The following AKAP13 variants were observed in gnomAD, a reference collection of about 807,000 sequenced individuals.
The protein encoded by AKAP13 is A-kinase anchoring protein 13.
A neutral mutation model predicts 264.5 loss-of-function variants in AKAP13; 80 were observed. That is an observed-to-expected ratio of 0.30 (90% confidence interval 0.25 to 0.36). The LOEUF (loss-of-function observed/expected upper bound fraction) is 0.36, where lower values mean the gene tolerates loss of function less well. Ranked by LOEUF, AKAP13 falls within the 10% of genes least tolerant of loss-of-function variation. The pLI, the probability that AKAP13 is intolerant of heterozygous loss-of-function variation, is 1.00. For missense variants in AKAP13, 3,712 were observed against 3,435.2 expected (o/e 1.08, Z -2.01); for synonymous variants, 1,380 against 1,250.2 (o/e 1.10, Z -2.19).
intron 2 of AKAP13, chr15:85,520,778 G>A (rs1366232135): frequency 5.9e-6 from 3 of 507,680 alleles, no homozygotes; most frequent in African/African-American, 2.0e-5. Flanking sequence ...TAAACTATGG[G>A]GATACGTTCT....
chr15:85,428,558 G>C (rs2072896796), intron 1 of AKAP13, among the ~76,000 whole-genome samples: 1 of 152,240 alleles, frequency 6.6e-6, no homozygotes, highest in Non-Finnish European at 1.5e-5. Context: ...TGCCAAGTTT[G>C]GCCTGAAGCC....
Position 85,580,959 on chromosome 15 carries a change from A to T in AKAP13, c.2891A>T (p.His964Leu), listed in dbSNP as rs1881608993. The stretch of plus-strand genomic sequence containing the variant: ...CCTGGACAAGATACTCAACAATTTC[A>T]TGAAAAATCAATCTCAGCTGACTGT... Reference protein sequence around the residue: ...PPPGQDTQQFHEKSISADCAK... With the variant: ...PPPGQDTQQFLEKSISADCAK... The change falls in exon 7 of 37, where the codon CAT becomes CTT. Residue 964 changes from histidine to leucine, a missense_variant. This residue lies in a region of AKAP13 where 2,759 missense variants were observed against 2,411.7 expected (regional missense o/e 1.14). Coordinates refer to ENST00000394518, the MANE Select transcript of AKAP13 (RefSeq NM_007200.5). The T allele has an allele frequency of 6.2e-7, 1 of 1,614,004 alleles. No homozygotes were observed. The highest frequency in any genetic ancestry group is 8.5e-7 in the Non-Finnish European group (1 of 1,179,986).
chr15:85,420,043 A>G (rs1248259462), intron 1 of AKAP13, among the ~76,000 whole-genome samples: 8 of 142,992 alleles, frequency 5.6e-5, no homozygotes, highest in Admixed American at 1.5e-4. Flanking sequence ...CCGGGTTCAC[A>G]CCATTCTCCT....
At chr15:85,498,199 G>GAGATATATATATAT (rs2075931586) in intron 2 of AKAP13, among the ~76,000 whole-genome samples, 1 of 133,010 alleles carries the variant, frequency 7.5e-6, no homozygotes, top group African/African-American at 2.9e-5. Context: ...AATGAAGTGA[G>GAGATATATATATAT]ATATATATAT....
intron 12 of AKAP13, among the ~76,000 whole-genome samples, chr15:85,659,722 G>A (rs1382540924): frequency 1.8e-5 from 2 of 112,590 alleles, no homozygotes; most frequent in African/African-American, 5.6e-5. Context: ...GTCTGAGTTA[G>A]TGTATACATG....
intron 8 of AKAP13, among the ~76,000 whole-genome samples, chr15:85,638,376 C>T (rs2082157985): frequency 6.6e-6 from 1 of 151,956 alleles, no homozygotes; most frequent in Admixed American, 6.6e-5. Context: ...ACAATATGAA[C>T]ATTTGTTTTA....
intron 8 of AKAP13, 151 bp from the exon 9 acceptor site, chr15:85,639,222 GA>G (rs999131653): frequency 1.1e-4 from 62 of 554,808 alleles, no homozygotes; most frequent in South Asian, 1.9e-4. Context: ...GTAATATTGT[GA>G]AAAAAAAATT....
intron 2 of AKAP13, among the ~76,000 whole-genome samples, chr15:85,490,746 G>T (rs1167617707): frequency 6.6e-6 from 1 of 152,182 alleles, no homozygotes; most frequent in African/African-American, 2.4e-5. Context: ...ACCTGTTCTG[G>T]ATGCTGGAGA....
intron 1 of AKAP13, among the ~76,000 whole-genome samples, chr15:85,403,935 C>T (rs948579981): frequency 3.9e-5 from 6 of 151,958 alleles, no homozygotes; most frequent in African/African-American, 1.2e-4. Flanking sequence ...ATGACAGTAC[C>T]ACATGATGAA....
In AKAP13 at chr15:85,664,594, G is replaced by T; in HGVS notation, c.4831G>T (p.Gly1611Cys). ...TCTAGAAGGCTTGACAGGAGGAGCT[G>T]GTGTCGGAAACAAGCCATCCTCATC... is the stretch of plus-strand genomic sequence containing the variant. ...FSLEGLTGGA[G>C]VGNKPSSSLE... is the part of the protein sequence containing the mutation. Residue 1611 changes from glycine (G) to cysteine (C), a missense_variant, in exon 13 of 37, where the codon GGT becomes TGT. Physicochemically the swap from Gly to Cys is radical, Grantham distance 159. Coordinates refer to ENST00000394518, the MANE Select transcript of AKAP13 (RefSeq NM_007200.5). The T allele has an allele frequency of 6.2e-7, 1 of 1,613,460 alleles. No homozygotes were observed. The highest frequency in any genetic ancestry group is 8.5e-7 in the Non-Finnish European group (1 of 1,179,614).
At position 85,658,589 on chromosome 15, in the gene AKAP13, A is replaced by C. The variant is rs1176618584; in HGVS notation, c.4798A>C (p.Ser1600Arg). The change falls in exon 12 of 37, where the codon AGT becomes CGT. Residue 1600 changes from serine (S) to arginine (R), a missense_variant and splice_region_variant. By Grantham distance (110) the Ser-to-Arg change is moderately radical. This residue lies in a region of AKAP13 where 2,759 missense variants were observed against 2,411.7 expected (regional missense o/e 1.14). Coordinates refer to ENST00000394518, the MANE Select transcript of AKAP13 (RefSeq NM_007200.5). ...VVRRPPIHRR[S>R]FSLEGLTGGA... ...CAGGAGACCTCCCATTCATAGGAGA[A>C]GGTACAGAGTTCATTAACTTGATGG... 2 of 1,613,498 alleles carry C rather than the reference A, an allele frequency of 1.2e-6. No individual in the cohort carries two copies. Among genetic ancestry groups the C allele is most frequent in the East Asian group, 2.2e-5 (1 of 44,868 alleles).
chr15:85,666,114 A>G (rs1169350268), intron 13 of AKAP13, among the ~76,000 whole-genome samples: 10 of 152,302 alleles, frequency 6.6e-5, no homozygotes, highest in East Asian at 1.9e-4. Flanking sequence ...GTCTTCCACA[A>G]TGGTTGAACT....
intron 4 of AKAP13, among the ~76,000 whole-genome samples, chr15:85,539,443 C>T (rs770218249): frequency 4.9e-4 from 74 of 152,194 alleles, no homozygotes; most frequent in African/African-American, 1.7e-3. Flanking sequence ...CAGAATAGTA[C>T]AAAGAATGGT....
intron 12 of AKAP13, among the ~76,000 whole-genome samples, chr15:85,659,277 A>G (rs2083232397): frequency 6.6e-6 from 1 of 152,212 alleles, no homozygotes; most frequent in South Asian, 2.1e-4. Context: ...GTCATTAGTG[A>G]CCTTCCATTG....
intron 2 of AKAP13, among the ~76,000 whole-genome samples, chr15:85,492,744 A>G (rs1432336948): frequency 6.6e-6 from 1 of 152,152 alleles, no homozygotes; most frequent in Non-Finnish European, 1.5e-5. Flanking sequence ...ATTTAAACAC[A>G]TTATATCTCT....
intron 2 of AKAP13, among the ~76,000 whole-genome samples, chr15:85,494,248 A>G (rs2075812309): frequency 6.6e-6 from 1 of 152,168 alleles, no homozygotes; most frequent in Non-Finnish European, 1.5e-5. Context: ...CCTAGCAACT[A>G]GACTCCAGAA....
chr15:85,503,570 C>T (rs965598396), intron 2 of AKAP13, among the ~76,000 whole-genome samples: 1 of 152,080 alleles, frequency 6.6e-6, no homozygotes, highest in African/African-American at 2.4e-5. Flanking sequence ...TGCTGGGCTC[C>T]GTGACTTAGG....
chr15:85,507,620 T>G (rs1446701529), intron 2 of AKAP13, among the ~76,000 whole-genome samples: 1 of 152,242 alleles, frequency 6.6e-6, no homozygotes, highest in Non-Finnish European at 1.5e-5. Context: ...AGTTTCTCTT[T>G]GCCCCAAGAC....
intron 2 of AKAP13, among the ~76,000 whole-genome samples, chr15:85,498,213 T>TATATATATAG (rs2075938041): frequency 6.8e-6 from 1 of 146,148 alleles, no homozygotes; most frequent in Non-Finnish European, 1.5e-5. Context: ...TATATATATA[T>TATATATATAG]ATATATATAT....
Sources: gnomAD v4.1 joint callset for allele counts (sites outside exome capture counted in the v4.1 genomes callset) on GRCh38, gnomAD v4.1.1 for gene constraint, gnomAD v4.1.1 regional missense constraint, MANE v1.5 for transcripts, NCBI Gene and HGNC (gene_info 2026-07-23, HGNC 2026-07-21) for gene names.